Variants in CHCHD6 observed in about 807,000 individuals in gnomAD.
CHCHD6 encodes MICOS complex subunit MIC25.
CHCHD6 carries 28 observed loss-of-function variants against 32.3 expected under a neutral mutation model. The observed-to-expected ratio is 0.87, with a 90% CI of 0.64 to 1.19. The LOEUF (loss-of-function observed/expected upper bound fraction) is 1.19. Among genes scored for constraint, CHCHD6 ranks in the 50% most tolerant of loss-of-function variants. The probability of loss-of-function intolerance (pLI) is 0.00; values close to 1 mark genes in which losing one functional copy is unlikely to be tolerated. For synonymous variants in CHCHD6, 122 were observed against 117.5 expected, an observed-to-expected ratio of 1.04 and a Z score of -0.25; for missense variants, 333 against 307.0, an observed-to-expected ratio of 1.08 and a Z score of -0.63.
intron 4 of CHCHD6, among the ~76,000 whole-genome samples, chr3:126,814,882 G>T (rs1256986424): frequency 6.6e-6 from 1 of 152,318 alleles, no homozygotes; most frequent in East Asian, 1.9e-4. Context: ...GAGGGGGATG[G>T]GGAAGGCAGT....
At chr3:126,712,520 C>T (rs564315365) in intron 1 of CHCHD6, among the ~76,000 whole-genome samples, 1 of 152,262 alleles carries the variant, frequency 6.6e-6, no homozygotes, top group South Asian at 2.1e-4. Context: ...CGGGCCAGTT[C>T]CCACATTTGG....
At chr3:126,715,088 C>T (rs534830216) in intron 1 of CHCHD6, among the ~76,000 whole-genome samples, 2 of 152,174 alleles carry the variant, frequency 1.3e-5, no homozygotes, top group Non-Finnish European at 2.9e-5. Context: ...GCCCGTCCAT[C>T]TCCCTGGGGC....
At chr3:126,721,234 C>T (rs1182702050) in intron 1 of CHCHD6, among the ~76,000 whole-genome samples, 3 of 152,168 alleles carry the variant, frequency 2.0e-5, no homozygotes, top group Non-Finnish European at 4.4e-5. Context: ...CTCCCTTTGC[C>T]TGACTTCCAA....
At chr3:126,754,102 T>C (rs1389421797) in intron 4 of CHCHD6, among the ~76,000 whole-genome samples, 4 of 152,222 alleles carry the variant, frequency 2.6e-5, no homozygotes, top group African/African-American at 9.6e-5. Context: ...TCATAGCAGT[T>C]AGAGCTGCAG....
At chr3:126,704,558 G>A (rs1471054228) in intron 1 of CHCHD6, among the ~76,000 whole-genome samples, 159 bp downstream of exon 1, 1 of 152,192 alleles carries the variant, frequency 6.6e-6, no homozygotes, top group Admixed American at 6.5e-5. Flanking sequence ...GCCGAGACGC[G>A]AGCCCGAGGC....
intron 4 of CHCHD6, chr3:126,766,646 A>G (rs1299174721): frequency 5.8e-6 from 6 of 1,026,190 alleles, no homozygotes; most frequent in Non-Finnish European, 7.7e-6. Flanking sequence ...GGCCCCAGCT[A>G]TGGTGCTCTC....
rs376221486 is a variant in CHCHD6 at position 126,869,641 on chromosome 3, A to C, written c.495+16911A>C. On this transcript the variant is annotated intron_variant, in intron 5 of 7. Coordinates refer to ENST00000290913, the MANE Select transcript of CHCHD6 (RefSeq NM_032343.3). ...TAGGCAGTTTGTCTTTTTCTAATTA[A>C]TTTTTAGGACTTCTTTATATAATAT... Among the ~76,000 whole-genome samples, 15 of 152,110 alleles carry C rather than the reference A, an allele frequency of 9.9e-5. No homozygotes were observed. In the East Asian group the frequency reaches 2.1e-3, roughly 22 times the overall value.
chr3:126,784,285 C>T (rs1028968293), intron 4 of CHCHD6, among the ~76,000 whole-genome samples: 5 of 152,186 alleles, frequency 3.3e-5, no homozygotes, highest in African/African-American at 1.2e-4. Flanking sequence ...TTTTGCTCTT[C>T]GTGCTCTCTT....
At chr3:126,760,216 A>G (rs995423445) in intron 4 of CHCHD6, among the ~76,000 whole-genome samples, 1 of 152,342 alleles carries the variant, frequency 6.6e-6, no homozygotes, top group African/African-American at 2.4e-5. Flanking sequence ...GAAATTAGTA[A>G]GTAATCTGTG....
chr3:126,858,740 C>T (rs1941752258), intron 5 of CHCHD6, among the ~76,000 whole-genome samples: 1 of 152,216 alleles, frequency 6.6e-6, no homozygotes, highest in South Asian at 2.1e-4. Context: ...CCGCTGGGCT[C>T]TTGCCTCCTC....
intron 4 of CHCHD6, among the ~76,000 whole-genome samples, chr3:126,847,864 C>G (rs901673045): frequency 4.6e-5 from 7 of 152,144 alleles, no homozygotes; most frequent in East Asian, 1.9e-4. Flanking sequence ...CTTCCCCTCT[C>G]TTACCCCCTT....
intron 5 of CHCHD6, among the ~76,000 whole-genome samples, chr3:126,874,046 T>C (rs1025357780): frequency 6.6e-6 from 1 of 152,196 alleles, no homozygotes; most frequent in Non-Finnish European, 1.5e-5. Flanking sequence ...CCCAGCTCAC[T>C]GCTGTAATTA....
intron 1 of CHCHD6, among the ~76,000 whole-genome samples, chr3:126,726,386 T>A (rs1935534666): frequency 6.6e-6 from 1 of 152,116 alleles, no homozygotes; most frequent in Non-Finnish European, 1.5e-5. Flanking sequence ...AAGAGTAACA[T>A]GAAATGTCAC....
chr3:126,948,080 G>C (rs1201285083), intron 6 of CHCHD6, among the ~76,000 whole-genome samples: 1 of 152,202 alleles, frequency 6.6e-6, no homozygotes, highest in Non-Finnish European at 1.5e-5. Flanking sequence ...AAAACGATCA[G>C]AGATACATTG....
At chr3:126,791,749 A>G (rs1044592366) in intron 4 of CHCHD6, among the ~76,000 whole-genome samples, 6 of 152,232 alleles carry the variant, frequency 3.9e-5, no homozygotes, top group African/African-American at 1.2e-4. Context: ...AGCTGGGATT[A>G]CAGGTGTATG....
intron 4 of CHCHD6, among the ~76,000 whole-genome samples, chr3:126,772,360 A>G (rs1312750862): frequency 6.6e-6 from 1 of 152,126 alleles, no homozygotes; most frequent in Non-Finnish European, 1.5e-5. Flanking sequence ...AGCCTCCCAA[A>G]GTGCTGGAAT....
chr3:126,886,769 A>G (rs1214002911), intron 5 of CHCHD6, among the ~76,000 whole-genome samples: 1 of 152,070 alleles, frequency 6.6e-6, no homozygotes. Flanking sequence ...CCAAGTTGCC[A>G]TTTACAACCT....
Position 126,856,022 on chromosome 3 carries a change from AC to A in CHCHD6, c.495+3295del, listed in dbSNP as rs1457471552. Among the ~76,000 whole-genome samples the A allele has an allele frequency of 1.6e-4, 24 of 152,130 alleles. No individual in the cohort carries two copies. The East Asian group carries it at 4.5e-3, about 28-fold the overall frequency. On this transcript the variant is annotated intron_variant, in intron 5 of 7. Transcript: ENST00000290913. ...GTTCTACCTGGCAACCTTCATTTAA[AC>A]CCAGGGGTGGCCAATCTCTTGGCTT...
At chr3:126,758,997 T>G (rs966830031) in intron 4 of CHCHD6, among the ~76,000 whole-genome samples, 40 of 152,338 alleles carry the variant, frequency 2.6e-4, no homozygotes, top group African/African-American at 9.4e-4. Context: ...CTGTGTGCTT[T>G]CTCATTCTCT....
Sources: allele counts gnomAD v4.1 joint callset (sites outside exome capture counted in the v4.1 genomes callset), GRCh38; gene constraint gnomAD v4.1.1; transcripts MANE v1.5; gene names NCBI Gene and HGNC (gene_info 2026-07-23, HGNC 2026-07-21).